Variants in OTUD7A observed in about 807,000 individuals in gnomAD.
OTUD7A encodes OTU deubiquitinase 7A.
Under a neutral mutation model 65.7 loss-of-function variants are expected in OTUD7A, and 12 were observed. That is an observed-to-expected ratio of 0.18 (90% CI 0.12 to 0.30). The LOEUF (loss-of-function observed/expected upper bound fraction) is 0.30. Among genes scored for constraint, OTUD7A ranks in the 10% least tolerant of loss-of-function variants. The probability of loss-of-function intolerance (pLI) is 1.00; values close to 1 mark genes in which losing one functional copy is unlikely to be tolerated. For missense variants in OTUD7A, 1,148 were observed against 1,304.8 expected, an observed-to-expected ratio of 0.88 and a Z score of 1.85; for synonymous variants, 641 against 586.3, an observed-to-expected ratio of 1.09 and a Z score of -1.35.
intron 3 of OTUD7A, among the ~76,000 whole-genome samples, chr15:31,571,759 C>T (rs1013812614): frequency 3.3e-5 from 5 of 152,146 alleles, no homozygotes; most frequent in Non-Finnish European, 4.4e-5. Flanking sequence ...TAGTAAGCAA[C>T]GGAGCTGAGA....
At chr15:31,561,578 G>A (rs901280619) in intron 4 of OTUD7A, among the ~76,000 whole-genome samples, 1 of 152,100 alleles carries the variant, frequency 6.6e-6, no homozygotes, top group African/African-American at 2.4e-5. Context: ...TTGGAAACAC[G>A]GTGATTCCTA....
intron 8 of OTUD7A, among the ~76,000 whole-genome samples, chr15:31,510,534 TAC>T (rs1308036408): frequency 1.0e-4 from 14 of 137,890 alleles, no homozygotes; most frequent in East Asian, 6.4e-4. Flanking sequence ...ATATGTAACA[TAC>T]ATATGTATAT....
At chr15:31,630,380 G>A (rs898144759) in intron 3 of OTUD7A, among the ~76,000 whole-genome samples, 3 of 152,088 alleles carry the variant, frequency 2.0e-5, no homozygotes, top group Non-Finnish European at 4.4e-5. Flanking sequence ...AGGTTGTTCA[G>A]TTTCCATGTA....
At chr15:31,743,466 T>C (rs565372250) in intron 1 of OTUD7A, among the ~76,000 whole-genome samples, 5 of 152,272 alleles carry the variant, frequency 3.3e-5, no homozygotes, top group African/African-American at 1.2e-4. Flanking sequence ...CCAGTGAAAG[T>C]TATAGTACTA....
At chr15:31,829,593 T>C (rs1233457832) in intron 1 of OTUD7A, among the ~76,000 whole-genome samples, 1 of 152,216 alleles carries the variant, frequency 6.6e-6, no homozygotes, top group African/African-American at 2.4e-5. Flanking sequence ...AGTAAATGCA[T>C]GGACACTGCA....
rs549608147 is a variant in OTUD7A, at chr15:31,487,603, G to A, written c.1172-37C>T. On this transcript the variant is annotated intron_variant, in intron 10 of 12. Coordinates refer to ENST00000307050, the MANE Select transcript of OTUD7A (RefSeq NM_001382637.1). The surrounding 1 kb of genome is among the most constrained non-coding windows in gnomAD (Gnocchi z 6.0). ...GAGACAGAGCCGTGCTTGGAGCCCCGGCAGTCCCCAGGCAGGATGGCAAGG... is the reference window on the plus strand; with the variant it reads ...GAGACAGAGCCGTGCTTGGAGCCCCAGCAGTCCCCAGGCAGGATGGCAAGG... 8.8e-5 allele frequency: 138 copies of A among 1,564,238 alleles called. 1 individual carries two copies. In the South Asian group the frequency reaches 1.3e-3, roughly 15 times the overall value.
At chr15:31,502,195 G>A (rs182095320) in intron 9 of OTUD7A, among the ~76,000 whole-genome samples, 12 of 152,298 alleles carry the variant, frequency 7.9e-5, no homozygotes, top group East Asian at 5.8e-4. Context: ...GAGTATGTGC[G>A]CTTCTCAAGG....
chr15:31,635,700 G>C (rs540024225), intron 3 of OTUD7A, among the ~76,000 whole-genome samples: 95 of 152,370 alleles, frequency 6.2e-4, no homozygotes, highest in African/African-American at 2.2e-3. Context: ...GTTTGAAAAA[G>C]TCGATGTAAC....
chr15:31,780,564 ACAC>A (rs1895511079), intron 1 of OTUD7A, among the ~76,000 whole-genome samples: 2 of 152,200 alleles, frequency 1.3e-5, no homozygotes, highest in Non-Finnish European at 2.9e-5. Flanking sequence ...GTTCTTGAAG[ACAC>A]CACCACCTGG....
intron 1 of OTUD7A, among the ~76,000 whole-genome samples, chr15:31,842,246 C>T (rs576585971): frequency 2.0e-5 from 3 of 152,344 alleles, no homozygotes; most frequent in African/African-American, 7.2e-5. Flanking sequence ...GGGGCTCCTG[C>T]AGTGTGGGTG....
At chr15:31,553,781 G>A (rs930915758) in intron 5 of OTUD7A, among the ~76,000 whole-genome samples, 2 of 151,650 alleles carry the variant, frequency 1.3e-5, no homozygotes, top group African/African-American at 4.8e-5. Flanking sequence ...CCACCCCCAC[G>A]ACCCTGCCAG....
intron 3 of OTUD7A, among the ~76,000 whole-genome samples, chr15:31,642,268 T>C (rs1272461364): frequency 1.3e-5 from 2 of 152,238 alleles, no homozygotes; most frequent in African/African-American, 4.8e-5. Context: ...TAAAACCCAC[T>C]TGGTCATGAG....
At chr15:31,745,514 C>T (rs1267042919) in intron 1 of OTUD7A, among the ~76,000 whole-genome samples, 1 of 152,078 alleles carries the variant, frequency 6.6e-6, no homozygotes, top group African/African-American at 2.4e-5. Flanking sequence ...CAATTCCTAC[C>T]TAATGCCACA....
intron 1 of OTUD7A, among the ~76,000 whole-genome samples, chr15:31,762,157 C>T (rs1305131649): frequency 6.6e-6 from 1 of 152,174 alleles, no homozygotes; most frequent in Non-Finnish European, 1.5e-5. Context: ...TATATCTCAA[C>T]CAAATTGGTT....
At chr15:31,759,117 T>C (rs919116128) in intron 1 of OTUD7A, among the ~76,000 whole-genome samples, 2 of 152,160 alleles carry the variant, frequency 1.3e-5, no homozygotes, top group African/African-American at 2.4e-5. Flanking sequence ...CAATGTGCCA[T>C]TGGGAGCTAT....
chr15:31,857,642 C>A (rs1224299852), intron 1 of OTUD7A, among the ~76,000 whole-genome samples: 1 of 152,204 alleles, frequency 6.6e-6, no homozygotes, highest in African/African-American at 2.4e-5. Context: ...GTGACATAAA[C>A]AGCACATGCT....
chr15:31,600,324 C>A (rs1653277989), intron 3 of OTUD7A, among the ~76,000 whole-genome samples: 2 of 151,168 alleles, frequency 1.3e-5, no homozygotes, highest in South Asian at 4.2e-4. Flanking sequence ...AGAAACCCTA[C>A]TCAACACAAC....
chr15:31,635,334 A>G (rs1339475103), intron 3 of OTUD7A, among the ~76,000 whole-genome samples: 1 of 152,234 alleles, frequency 6.6e-6, no homozygotes, highest in Non-Finnish European at 1.5e-5. Flanking sequence ...TCAATTTTAC[A>G]GATGAGAAAA....
chr15:31,551,777 TC>T (rs1193679478), intron 5 of OTUD7A, among the ~76,000 whole-genome samples: 1 of 152,174 alleles, frequency 6.6e-6, no homozygotes, highest in Non-Finnish European at 1.5e-5. Flanking sequence ...CCCTCGGATG[TC>T]CCCTCTCTGG....
Sources: gnomAD v4.1 joint callset for allele counts (sites outside exome capture counted in the v4.1 genomes callset) on GRCh38, gnomAD v4.1.1 for gene constraint, Gnocchi (gnomAD v3.1) non-coding constraint, MANE v1.5 for transcripts, NCBI Gene and HGNC (gene_info 2026-07-23, HGNC 2026-07-21) for gene names.